The following RARB variants were observed in gnomAD, a reference collection of about 807,000 sequenced individuals.
RARB encodes retinoic acid receptor beta.
RARB carries 17 observed loss-of-function variants against 51.9 expected under a neutral mutation model. The observed-to-expected ratio is 0.33, with a 90% CI of 0.22 to 0.49. The LOEUF (loss-of-function observed/expected upper bound fraction) is 0.49, where lower values mean the gene tolerates loss of function less well. RARB is among the 20% of genes least tolerant of loss of function. The pLI, the probability that RARB is intolerant of heterozygous loss-of-function variation, is 0.99. For missense variants in RARB, 369 were observed against 550.8 expected, an observed-to-expected ratio of 0.67 and a Z score of 3.30; for synonymous variants, 215 against 195.4, an observed-to-expected ratio of 1.10 and a Z score of -0.84.
At position 24,956,171 on chromosome 3, in the gene RARB, C is replaced by T. The variant is rs116092942; in HGVS notation, c.-380+97419C>T. ...AAGTACTGAGAATACTGAAGTACTACATTTTGGGTAATCATTTTCTGTGCT... is the reference window on the plus strand; with the variant it reads ...AAGTACTGAGAATACTGAAGTACTATATTTTGGGTAATCATTTTCTGTGCT... On this transcript the variant is annotated intron_variant, in intron 2 of 11. Coordinates refer to the RARB transcript ENST00000383772. Among the ~76,000 whole-genome samples, 587 of 152,190 alleles carry T rather than the reference C, an allele frequency of 3.9e-3. 3 individuals are homozygous for T. Among genetic ancestry groups the T allele is most frequent in the African/African-American group, 0.013 (554 of 41,514 alleles).
chr3:25,490,216 G>GT (rs1422693062), intron 2 of RARB, among the ~76,000 whole-genome samples: 1 of 152,142 alleles, frequency 6.6e-6, no homozygotes, highest in Non-Finnish European at 1.5e-5. Flanking sequence ...AAAAATTCCA[G>GT]TGAGAAGATT....
intron 2 of RARB, among the ~76,000 whole-genome samples, chr3:24,860,228 G>T (rs1332702722): frequency 1.3e-5 from 2 of 152,184 alleles, no homozygotes; most frequent in Non-Finnish European, 2.9e-5. Context: ...AAATATTGAA[G>T]TCACCTGGCG....
chr3:25,591,375 T>G (rs930121897), intron 5 of RARB, among the ~76,000 whole-genome samples: 1 of 152,234 alleles, frequency 6.6e-6, no homozygotes. Flanking sequence ...TATGCAGTTA[T>G]GTGCTGCACA....
intron 1 of RARB, among the ~76,000 whole-genome samples, chr3:25,452,856 C>T (rs1391401286): frequency 3.3e-5 from 5 of 152,090 alleles, no homozygotes; most frequent in Admixed American, 6.5e-5. Context: ...ACACAGTAGG[C>T]GCTCAGTAAA....
intron 3 of RARB, among the ~76,000 whole-genome samples, chr3:25,103,994 T>A (rs1699452498): frequency 6.6e-6 from 1 of 152,224 alleles, no homozygotes. Context: ...TGTGAAAGTG[T>A]GGACACTCAC....
chr3:25,488,830 G>T (rs1277106563), intron 2 of RARB, among the ~76,000 whole-genome samples: 1 of 152,178 alleles, frequency 6.6e-6, no homozygotes, highest in African/African-American at 2.4e-5. Context: ...AATAAAACAG[G>T]TCCCCCTACA....
intron 4 of RARB, among the ~76,000 whole-genome samples, chr3:25,151,446 T>G (rs1473311770): frequency 6.6e-6 from 1 of 152,172 alleles, no homozygotes; most frequent in Non-Finnish European, 1.5e-5. Context: ...CAGGAAGAAA[T>G]CCACCAACAT....
chr3:25,045,279 G>A (rs1438957368), intron 2 of RARB, among the ~76,000 whole-genome samples: 1 of 152,172 alleles, frequency 6.6e-6, no homozygotes, highest in South Asian at 2.1e-4. Context: ...AGGTCAGTGA[G>A]CTTTCTGGTT....
chr3:25,550,189 G>T (rs1285240184), intron 3 of RARB, among the ~76,000 whole-genome samples: 1 of 152,136 alleles, frequency 6.6e-6, no homozygotes, highest in Non-Finnish European at 1.5e-5. Context: ...TAAGATACTT[G>T]GCAGTAAAAT....
chr3:24,830,687 G>A (rs1702268399), intron 1 of RARB, among the ~76,000 whole-genome samples: 1 of 151,668 alleles, frequency 6.6e-6, no homozygotes, highest in Non-Finnish European at 1.5e-5. Flanking sequence ...GTGTGTGTCT[G>A]TCCGTCTGTC....
At position 25,095,251 on chromosome 3, in the gene RARB, G is replaced by C. The variant is rs79002488; in HGVS notation, c.-328+35075G>C. Among the ~76,000 whole-genome samples the C allele has an allele frequency of 3.9e-4, 59 of 152,314 alleles. No individual in the cohort carries two copies. The East Asian group carries it at 9.7e-3, about 25-fold the overall frequency. On this transcript the variant is annotated intron_variant, in intron 3 of 11. Coordinates refer to the RARB transcript ENST00000383772. The stretch of plus-strand genomic sequence containing the variant: ...TGTTAAAAGCTCTTCAGGTGATACT[G>C]ATATGCAGCAGAATTTGGGAACCAC...
chr3:25,362,139 A>G (rs1310404234), intron 5 of RARB, among the ~76,000 whole-genome samples: 5 of 152,320 alleles, frequency 3.3e-5, no homozygotes, highest in African/African-American at 7.2e-5. Flanking sequence ...AGTTTTATCT[A>G]TAAGCCCCTG....
intron 5 of RARB, among the ~76,000 whole-genome samples, chr3:25,332,559 A>C (rs1414453255): frequency 1.3e-5 from 2 of 152,340 alleles, no homozygotes; most frequent in East Asian, 3.9e-4. Flanking sequence ...ACGAACCCAC[A>C]GCCAATATCA....
At chr3:25,482,701 G>A (rs996622628) in intron 2 of RARB, among the ~76,000 whole-genome samples, 2 of 151,482 alleles carry the variant, frequency 1.3e-5, no homozygotes, top group Non-Finnish European at 2.9e-5. Flanking sequence ...CACCATGCCC[G>A]GCTATTTTTT....
chr3:25,003,175 A>G (rs1194278737), intron 2 of RARB, among the ~76,000 whole-genome samples: 4 of 151,486 alleles, frequency 2.6e-5, no homozygotes, highest in Non-Finnish European at 4.4e-5. Flanking sequence ...TTGTTGTTCT[A>G]AGGCAAAAGA....
At chr3:25,110,583 G>A (rs1390900594) in intron 3 of RARB, among the ~76,000 whole-genome samples, 1 of 152,302 alleles carries the variant, frequency 6.6e-6, no homozygotes, top group East Asian at 1.9e-4. Flanking sequence ...ACCTAGTAAA[G>A]GAGAACCATA....
intron 2 of RARB, among the ~76,000 whole-genome samples, chr3:24,913,582 T>C (rs1433715153): frequency 2.0e-5 from 3 of 152,144 alleles, no homozygotes; most frequent in Non-Finnish European, 4.4e-5. Flanking sequence ...GTTACAAAAA[T>C]GGGTTCCTAC....
intron 3 of RARB, among the ~76,000 whole-genome samples, chr3:25,569,299 A>G (rs1700619949): frequency 6.6e-6 from 1 of 152,240 alleles, no homozygotes; most frequent in African/African-American, 2.4e-5. Flanking sequence ...TTAATTCAGA[A>G]AACTAAAAAG....
At chr3:25,447,464 G>T (rs1040667323) in intron 1 of RARB, among the ~76,000 whole-genome samples, 2 of 152,182 alleles carry the variant, frequency 1.3e-5, no homozygotes, top group African/African-American at 4.8e-5. Context: ...TTATAAACCA[G>T]CATGTATCAA....
Sources: gnomAD v4.1 joint callset for allele counts (sites outside exome capture counted in the v4.1 genomes callset) on GRCh38, gnomAD v4.1.1 for gene constraint, MANE v1.5 for transcripts, NCBI Gene and HGNC (gene_info 2026-07-23, HGNC 2026-07-21) for gene names.